Variants in COX7B2 observed in about 807,000 individuals in gnomAD.
The protein encoded by COX7B2 is cytochrome c oxidase subunit 7B2.
For synonymous variants in COX7B2, 37 were observed against 32.1 expected (o/e 1.15, Z -0.51); for missense variants, 109 against 95.9 (o/e 1.14, Z -0.57).
At chr4:46,762,012 C>T (rs922426289) in intron 2 of COX7B2, among the ~76,000 whole-genome samples, 1 of 151,120 alleles carries the variant, frequency 6.6e-6, no homozygotes, top group Non-Finnish European at 1.5e-5. Flanking sequence ...ATGCTAGTGT[C>T]AGCTCTGCAA....
At chr4:46,843,891 T>C (rs1016423652) in intron 2 of COX7B2, among the ~76,000 whole-genome samples, 5 of 151,958 alleles carry the variant, frequency 3.3e-5, no homozygotes, top group African/African-American at 9.7e-5. Flanking sequence ...ACAAAACAGG[T>C]ACTTTGCTGC....
In COX7B2 at chr4:46,735,030, C is replaced by A; in HGVS notation, c.163G>T (p.Val55Leu). ...SGTAFCVATW[V>L]FTATQIGIEW... ...ATTCCAATCTGAGTGGCTGTAAACA[C>A]CCATGTAGCAACACAGAAAGCAGTT... The change falls in exon 3 of 3, where the codon GTG (valine) becomes TTG (leucine). Residue 55 changes from valine (V) to leucine (L), a missense_variant. Physicochemically the swap from Val to Leu is conservative, Grantham distance 32. Transcript: ENST00000355591. 2 of 1,613,876 alleles carry A rather than the reference C, an allele frequency of 1.2e-6. No homozygotes were observed. The highest frequency in any genetic ancestry group is 1.3e-5 in the African/African-American group (1 of 75,002).
At chr4:46,832,593 C>G (rs1161155560) in intron 2 of COX7B2, among the ~76,000 whole-genome samples, 1 of 151,688 alleles carries the variant, frequency 6.6e-6, no homozygotes, top group Non-Finnish European at 1.5e-5. Context: ...CCCTCCAAAT[C>G]TCATGGTGAA....
intron 1 of COX7B2, among the ~76,000 whole-genome samples, chr4:46,876,916 C>A (rs1332831661): frequency 6.6e-6 from 1 of 152,186 alleles, no homozygotes; most frequent in Non-Finnish European, 1.5e-5. Context: ...GCAACAGCTA[C>A]TTTTGTATAT....
At chr4:46,747,398 C>T (rs937258813) in intron 2 of COX7B2, among the ~76,000 whole-genome samples, 3 of 151,968 alleles carry the variant, frequency 2.0e-5, no homozygotes, top group Admixed American at 6.6e-5. Flanking sequence ...CTGCCTCTCA[C>T]GTTCAAGCGA....
intron 1 of COX7B2, among the ~76,000 whole-genome samples, chr4:46,857,987 T>C (rs996564215): frequency 6.6e-6 from 1 of 152,244 alleles, no homozygotes; most frequent in Non-Finnish European, 1.5e-5. Flanking sequence ...TATCATTTTG[T>C]TTAACTACTC....
At chr4:46,832,914 T>G (rs1407292954) in intron 2 of COX7B2, among the ~76,000 whole-genome samples, 1 of 152,044 alleles carries the variant, frequency 6.6e-6, no homozygotes, top group African/African-American at 2.4e-5. Flanking sequence ...CTTTTTTTTT[T>G]TCTTTTTTGA....
chr4:46,855,017 A>G (rs1187987317), intron 1 of COX7B2, among the ~76,000 whole-genome samples: 3 of 152,182 alleles, frequency 2.0e-5, no homozygotes, highest in Non-Finnish European at 4.4e-5. Context: ...TTTTAAATTA[A>G]TTTTAAAGAA....
At chr4:46,738,343 A>G (rs1027782573) in intron 2 of COX7B2, among the ~76,000 whole-genome samples, 1 of 152,112 alleles carries the variant, frequency 6.6e-6, no homozygotes, top group Non-Finnish European at 1.5e-5. Flanking sequence ...ATATCTATAA[A>G]GCTTTTCTTT....
intron 1 of COX7B2, among the ~76,000 whole-genome samples, chr4:46,850,062 C>T (rs1716564034): frequency 6.6e-6 from 1 of 151,418 alleles, no homozygotes; most frequent in Non-Finnish European, 1.5e-5. Context: ...GAATTTATTA[C>T]AAGGATGATT....
intron 1 of COX7B2, among the ~76,000 whole-genome samples, chr4:46,886,974 G>T (rs928607777): frequency 1.3e-5 from 2 of 152,104 alleles, no homozygotes; most frequent in Admixed American, 6.5e-5. Context: ...TTTTAAACTC[G>T]ACACAGGAAG....
At chr4:46,851,407 A>G (rs1013070195) in intron 1 of COX7B2, among the ~76,000 whole-genome samples, 1 of 152,102 alleles carries the variant, frequency 6.6e-6, no homozygotes, top group Non-Finnish European at 1.5e-5. Context: ...CATTTTAAAC[A>G]TTTTATTTTG....
At chr4:46,783,108 C>A (rs376324598) in intron 2 of COX7B2, among the ~76,000 whole-genome samples, 2 of 152,164 alleles carry the variant, frequency 1.3e-5, no homozygotes, top group African/African-American at 4.8e-5. Context: ...ATGAAAAGAA[C>A]AAACAAGTAT....
intron 2 of COX7B2, among the ~76,000 whole-genome samples, chr4:46,775,407 A>T (rs1318143137): frequency 2.0e-5 from 3 of 152,140 alleles, no homozygotes; most frequent in Non-Finnish European, 2.9e-5. Flanking sequence ...ATCTTTCATC[A>T]TGGAAAACAG....
At chr4:46,744,493 G>A (rs1237719214) in intron 2 of COX7B2, among the ~76,000 whole-genome samples, 2 of 151,758 alleles carry the variant, frequency 1.3e-5, no homozygotes, top group Non-Finnish European at 2.9e-5. Context: ...GACCAAACCC[G>A]CGGTGTTACG....
At chr4:46,778,124 T>C (rs1484352902) in intron 2 of COX7B2, among the ~76,000 whole-genome samples, 2 of 152,152 alleles carry the variant, frequency 1.3e-5, no homozygotes, top group Admixed American at 6.5e-5. Flanking sequence ...TTAACTGGCA[T>C]GAGTCTGAAG....
chr4:46,901,583 A>T (rs927234550), intron 1 of COX7B2, among the ~76,000 whole-genome samples: 1 of 152,238 alleles, frequency 6.6e-6, no homozygotes, highest in Non-Finnish European at 1.5e-5. Context: ...AATAGCTAGT[A>T]AAACATTATT....
chr4:46,898,591 A>T (rs1304306672), intron 1 of COX7B2, among the ~76,000 whole-genome samples: 15 of 151,492 alleles, frequency 9.9e-5, no homozygotes, highest in Non-Finnish European at 2.1e-4. Flanking sequence ...CTAATTTTTT[A>T]TTTTTTTATT....
chr4:46,907,848 C>CTATTTTTTTTTTTTTTTTTTT (rs1720493889), intron 1 of COX7B2, among the ~76,000 whole-genome samples: 1 of 59,720 alleles, frequency 1.7e-5, no homozygotes. Context: ...TTTGAGCAGA[C>CTATTTTTTTTTTTTTTTTTTT]TTTTTTTTTT....
Sources: allele counts gnomAD v4.1 joint callset (sites outside exome capture counted in the v4.1 genomes callset), GRCh38; gene constraint gnomAD v4.1.1; transcripts MANE v1.5; gene names NCBI Gene and HGNC (gene_info 2026-07-23, HGNC 2026-07-21).